The following EZH1 variants were observed in gnomAD, a reference collection of about 807,000 sequenced individuals.
The protein encoded by EZH1 is histone-lysine N-methyltransferase EZH1.
A neutral mutation model predicts 100.5 loss-of-function variants in EZH1; 33 were observed. The observed-to-expected ratio is 0.33, with a 90% CI of 0.25 to 0.44. The LOEUF (loss-of-function observed/expected upper bound fraction) is 0.44. Among genes scored for constraint, EZH1 ranks in the 20% least tolerant of loss-of-function variants. The pLI is 1.00. For synonymous variants in EZH1, 272 were observed against 313.8 expected (o/e 0.87, Z 1.41); for missense variants, 475 against 928.4 (o/e 0.51, Z 6.35).
intron 3 of EZH1, among the ~76,000 whole-genome samples, chr17:42,728,018 T>C (rs2053857423): frequency 6.6e-6 from 1 of 150,708 alleles, no homozygotes; most frequent in East Asian, 2.0e-4. Flanking sequence ...GGTTTCACTA[T>C]GTTGGCCAGG....
At chr17:42,738,755 ATTTTTTTT>A (rs763333138) in intron 1 of EZH1, among the ~76,000 whole-genome samples, 3 of 91,176 alleles carry the variant, frequency 3.3e-5, no homozygotes, top group East Asian at 3.1e-4. Flanking sequence ...CCTGGCCTAG[ATTTTTTTT>A]TTTTTTTTTT....
Position 42,702,504 on chromosome 17 carries a change from A to G in EZH1, c.*28T>C, listed in dbSNP as rs781340310. ...CGAAAGCCAAGACAGTGCCGCTACC[A>G]TAAGTGCTGCCGTGGGGCCTGGGAG... On this transcript the variant is annotated 3_prime_UTR_variant, in exon 21 of 21. Transcript: ENST00000428826. 44 of 1,516,822 alleles carry G rather than the reference A, an allele frequency of 2.9e-5. No individual in the cohort carries two copies. The highest frequency in any genetic ancestry group is 3.4e-4 in the Middle Eastern group (2 of 5,924). 94.0% of individuals were successfully genotyped at this position (1,516,822 alleles called of 1,614,324 possible).
At chr17:42,715,986 G>T (rs954043868) in intron 10 of EZH1, among the ~76,000 whole-genome samples, 3 of 151,272 alleles carry the variant, frequency 2.0e-5, no homozygotes, top group Admixed American at 2.0e-4. Flanking sequence ...GGTGGAGATT[G>T]TGGTGAGCTG....
intron 12 of EZH1, 138 bp downstream of exon 12, chr17:42,712,151 A>G (rs2053496259): frequency 1.1e-6 from 1 of 899,152 alleles, no homozygotes; most frequent in Non-Finnish European, 1.7e-6. Flanking sequence ...AACTCACAGA[A>G]GCACAGGCTC....
intron 5 of EZH1, 114 bp downstream of exon 5, chr17:42,724,191 C>T: frequency 8.1e-7 from 1 of 1,229,872 alleles, no homozygotes; most frequent in East Asian, 2.4e-5. Flanking sequence ...TTCTGCCCTG[C>T]ATGTCCTAGC....
At chr17:42,705,330 C>T in intron 16 of EZH1, 147 bp from the exon 17 acceptor site, 2 of 540,696 alleles carry the variant, frequency 3.7e-6, no homozygotes, top group South Asian at 4.3e-5. Context: ...CTAACCCATT[C>T]TTTTCTGCTT....
Position 42,706,422 on chromosome 17 carries a change from T to C in EZH1, c.1661-237A>G, listed in dbSNP as rs1166674774. On this transcript the variant is annotated intron_variant, in intron 15 of 20. Coordinates refer to ENST00000428826, the MANE Select transcript of EZH1 (RefSeq NM_001991.5). This position sits in a 1 kb window ranked among gnomAD's most constrained non-coding sequence, Gnocchi z 4.4. ...AGGTGTGGTCAAGCATGGTGGCTCA[T>C]GCCTGTAATCCTAGCACTTTGGGAG... Among the ~76,000 whole-genome samples the C allele has an allele frequency of 6.6e-6, 1 of 152,032 alleles. No homozygotes were observed. The highest frequency in any genetic ancestry group is 1.5e-5 in the Non-Finnish European group (1 of 68,008).
In EZH1 at chr17:42,701,841, T is replaced by TGA. The variant is rs2053246421; in HGVS notation, c.*690_*691insTC. On this transcript the variant is annotated 3_prime_UTR_variant, in exon 21 of 21. Coordinates refer to ENST00000428826, the MANE Select transcript of EZH1 (RefSeq NM_001991.5). ...TTCTCAAAGCCTCCTGGGCCCAAGCTTAGCAGTTTAACTACTATCATCTGG... is the reference window on the plus strand; with the variant it reads ...TTCTCAAAGCCTCCTGGGCCCAAGCTGATAGCAGTTTAACTACTATCATCTGG... 6.6e-6 allele frequency: 1 copy of TGA among 152,392 alleles called. No individual in the cohort carries two copies. 9.4% of individuals were successfully genotyped at this position (152,392 alleles called of 1,614,324 possible).
chr17:42,707,678 GC>G (rs1159233111), intron 15 of EZH1, among the ~76,000 whole-genome samples: 3 of 152,230 alleles, frequency 2.0e-5, no homozygotes, highest in Non-Finnish European at 4.4e-5. Context: ...GAGTGACTGC[GC>G]CTGCTGCCCC....
intron 5 of EZH1, among the ~76,000 whole-genome samples, chr17:42,723,600 A>G (rs1321007906): frequency 5.3e-5 from 8 of 152,184 alleles, no homozygotes; most frequent in Non-Finnish European, 1.2e-4. Flanking sequence ...TAGGCTATGG[A>G]TATTTTCTGG....
intron 3 of EZH1, 83 bp from the exon 4 acceptor site, chr17:42,727,846 C>T (rs1408458729): frequency 9.6e-7 from 1 of 1,042,042 alleles, no homozygotes; most frequent in Non-Finnish European, 1.2e-6. Context: ...TGGAGTCTTG[C>T]TCTGTTGTCA....
intron 11 of EZH1, 116 bp from the exon 12 acceptor site, chr17:42,712,601 G>T: frequency 2.8e-6 from 3 of 1,057,514 alleles, no homozygotes; most frequent in East Asian, 2.5e-5. Context: ...AGTTAGGAAT[G>T]AAAATATTCC....
Position 42,702,529 on chromosome 17 carries a change from G to T in EZH1, c.*3C>A. 1 of 1,558,454 alleles carries T rather than the reference G, an allele frequency of 6.4e-7. No individual in the cohort carries two copies. Reference sequence around the variant, plus strand: ...ATAAGTGCTGCCGTGGGGCCTGGGAGGGCTAAAGGACGTCGGTCTCCCTCT... The same window carrying T: ...ATAAGTGCTGCCGTGGGGCCTGGGATGGCTAAAGGACGTCGGTCTCCCTCT... On this transcript the variant is annotated 3_prime_UTR_variant, in exon 21 of 21. Transcript: ENST00000428826.
rs536047429 is a variant in EZH1 at position 42,702,328 on chromosome 17, C to T, written c.*204G>A. The T allele has an allele frequency of 3.3e-4, 158 of 479,662 alleles. 3 individuals are homozygous for T. The East Asian group carries it at 4.8e-3, about 15-fold the overall frequency. The allele number at this position is 479,662 out of a possible 1,614,324, so 29.7% of individuals were successfully genotyped here. A position where few individuals can be genotyped will look rare whatever the true frequency, so the allele number is the denominator to read the frequency against. Reference sequence around the variant, plus strand: ...TTCTGTAACTCTCTGTCCTGGGAGACCAAGCCCTAGCTGCCTCTGTCTCCC... The same window carrying T: ...TTCTGTAACTCTCTGTCCTGGGAGATCAAGCCCTAGCTGCCTCTGTCTCCC... On this transcript the variant is annotated 3_prime_UTR_variant, in exon 21 of 21. Transcript: ENST00000428826.
chr17:42,715,109 T>G (rs2053572896), intron 10 of EZH1, among the ~76,000 whole-genome samples: 1 of 140,406 alleles, frequency 7.1e-6, no homozygotes, highest in Admixed American at 7.6e-5. Flanking sequence ...TATGTATTTA[T>G]ATATTATATA....
intron 10 of EZH1, among the ~76,000 whole-genome samples, chr17:42,715,961 C>T (rs1259158008): frequency 6.6e-6 from 1 of 150,812 alleles, no homozygotes; most frequent in Non-Finnish European, 1.5e-5. Context: ...GCAGGAGAAT[C>T]GTTTGAACCC....
Position 42,712,399 on chromosome 17 carries a change from G to A in EZH1, c.1291C>T (p.Pro431Ser). 1 of 1,614,194 alleles carries A rather than the reference G, an allele frequency of 6.2e-7. No homozygotes were observed. Among genetic ancestry groups the A allele is most frequent in the Admixed American group, 1.7e-5 (1 of 60,032 alleles). The change falls in exon 12 of 21, where the codon CCT becomes TCT. Residue 431 changes from proline to serine, a missense_variant. By Grantham distance (74) the Pro-to-Ser change is moderately conservative (BLOSUM62 -1). Coordinates refer to ENST00000428826, the MANE Select transcript of EZH1 (RefSeq NM_001991.5). The part of the protein sequence containing the change: ...QLCVVEAPSE[P>S]VEWTGAEESL... ...TCTTCAGCCCCAGTCCATTCCACAG[G>A]CTCCGAGGGTGCTTCCACTACGCAG...
intron 10 of EZH1, among the ~76,000 whole-genome samples, chr17:42,716,400 G>A (rs902968308): frequency 1.3e-5 from 2 of 152,158 alleles, no homozygotes; most frequent in African/African-American, 2.4e-5. Context: ...CAGGAAGAAG[G>A]TATCTTTCAA....
intron 1 of EZH1, among the ~76,000 whole-genome samples, chr17:42,737,889 A>G (rs908050572): frequency 2.0e-5 from 3 of 152,148 alleles, no homozygotes; most frequent in Non-Finnish European, 4.4e-5. Context: ...AAAAAATTTA[A>G]GGAACGGCTG....
Sources: allele counts gnomAD v4.1 joint callset (sites outside exome capture counted in the v4.1 genomes callset), GRCh38; gene constraint gnomAD v4.1.1; non-coding constraint Gnocchi (gnomAD v3.1); transcripts MANE v1.5; gene names NCBI Gene and HGNC (gene_info 2026-07-23, HGNC 2026-07-21).